The following COL24A1 variants were observed in gnomAD, a reference collection of about 807,000 sequenced individuals.
COL24A1 encodes the protein collagen type XXIV alpha 1 chain.
A neutral mutation model predicts 253.9 loss-of-function variants in COL24A1; 224 were observed. That is an observed-to-expected ratio of 0.88 (90% CI 0.79 to 0.99). The LOEUF is 0.99. Among genes scored for constraint, COL24A1 ranks in the 50% least tolerant of loss-of-function variants. The pLI is 0.00. For synonymous variants in COL24A1, 685 were observed against 673.7 expected, an observed-to-expected ratio of 1.02 and a Z score of -0.26; for missense variants, 2,131 against 2,068.5, an observed-to-expected ratio of 1.03 and a Z score of -0.59.
intron 2 of COL24A1, among the ~76,000 whole-genome samples, chr1:86,144,997 C>T (rs1418595980): frequency 6.6e-6 from 1 of 152,046 alleles, no homozygotes; most frequent in Non-Finnish European, 1.5e-5. Flanking sequence ...AATAGTTTTT[C>T]ATGAAGTTAC....
chr1:85,838,543 C>T (rs771862779), intron 43 of COL24A1, 42 bp downstream of exon 43: 5 of 1,538,896 alleles, frequency 3.2e-6, no homozygotes, highest in Admixed American at 1.7e-5. Context: ...ACACAGAGAA[C>T]CCTATTTAAA....
chr1:85,758,698 C>A (rs1271509978), intron 55 of COL24A1, among the ~76,000 whole-genome samples: 1 of 151,954 alleles, frequency 6.6e-6, no homozygotes, highest in Non-Finnish European at 1.5e-5. Context: ...TTATCTTGAC[C>A]CACAGTAAGA....
intron 6 of COL24A1, among the ~76,000 whole-genome samples, chr1:86,089,904 A>T (rs2101963249): frequency 6.6e-6 from 1 of 152,296 alleles, no homozygotes; most frequent in Non-Finnish European, 1.5e-5. Context: ...TTGAGGTGTC[A>T]CCCCTACTCC....
Position 85,788,219 on chromosome 1 carries a change from TAGCTGGGACTACAG to T in COL24A1, c.3952-1772_3952-1759del, listed in dbSNP as rs574043758. 2.8e-3 allele frequency among the ~76,000 whole-genome samples: 432 copies of T among 152,184 alleles called. 2 individuals are homozygous for T. The highest frequency in any genetic ancestry group is 0.01 in the African/African-American group (419 of 41,542). The stretch of plus-strand genomic sequence containing the variant: ...CATTCTCCTGCCTCAGCCTCCTGAG[TAGCTGGGACTACAG>T]GCACCTGCCACTACATCCAGCTAAT... On this transcript the variant is annotated intron_variant, in intron 47 of 59. Coordinates refer to ENST00000370571, the MANE Select transcript of COL24A1 (RefSeq NM_152890.7).
Position 85,975,203 on chromosome 1 carries a change from A to C in COL24A1, c.2365-3810T>G, listed in dbSNP as rs148710536. On this transcript the variant is annotated intron_variant, in intron 20 of 59. Transcript: ENST00000370571. ...TACAGCTAATATGAAAAAAGTATGGAGTTTCCTCAAAAAAATAAAAATAGA... is the reference window on the plus strand; with the variant it reads ...TACAGCTAATATGAAAAAAGTATGGCGTTTCCTCAAAAAAATAAAAATAGA... Among the ~76,000 whole-genome samples the C allele has an allele frequency of 1.7e-3, 254 of 152,226 alleles. 4 individuals carry two copies. Among genetic ancestry groups the C allele is most frequent in the African/African-American group, 5.8e-3 (240 of 41,542 alleles).
intron 20 of COL24A1, among the ~76,000 whole-genome samples, chr1:85,973,094 A>C (rs1692332457): frequency 6.6e-6 from 1 of 152,242 alleles, no homozygotes; most frequent in African/African-American, 2.4e-5. Flanking sequence ...TTCAGAATTC[A>C]AAGTGAAAGA....
At chr1:85,919,381 A>G (rs1028797922) in intron 24 of COL24A1, among the ~76,000 whole-genome samples, 1 of 152,216 alleles carries the variant, frequency 6.6e-6, no homozygotes, top group Non-Finnish European at 1.5e-5. Flanking sequence ...TGGAGCCACA[A>G]GAAAGAGGGG....
intron 18 of COL24A1, among the ~76,000 whole-genome samples, chr1:86,017,550 T>C (rs1329965154): frequency 6.6e-6 from 1 of 152,150 alleles, no homozygotes; most frequent in African/African-American, 2.4e-5. Context: ...AGAAACTGCT[T>C]TTATAAATAA....
chr1:85,803,364 A>T (rs1352589245), intron 47 of COL24A1, among the ~76,000 whole-genome samples: 20 of 147,536 alleles, frequency 1.4e-4, no homozygotes, highest in Admixed American at 1.3e-3. Flanking sequence ...CGGGAGGTGG[A>T]GGTTGCAGTG....
intron 24 of COL24A1, among the ~76,000 whole-genome samples, chr1:85,911,887 G>A (rs12747420): frequency 0.2 from 30,134 of 152,014 alleles, 3,340 homozygotes; most frequent in Non-Finnish European, 0.24. Context: ...TGCCTACTCT[G>A]TGCCAGGCAC....
intron 53 of COL24A1, among the ~76,000 whole-genome samples, chr1:85,763,343 G>A (rs1370440942): frequency 6.6e-6 from 1 of 151,656 alleles, no homozygotes; most frequent in South Asian, 2.1e-4. Context: ...GCTTGAACCC[G>A]GGAAGCAGAG....
chr1:86,087,987 C>T (rs1194019166), intron 7 of COL24A1, among the ~76,000 whole-genome samples: 1 of 152,140 alleles, frequency 6.6e-6, no homozygotes, highest in Non-Finnish European at 1.5e-5. Context: ...CAATTCAGCA[C>T]TATAGCAGGG....
rs192219769 is a variant in COL24A1, at chr1:85,768,217, G to A, written c.4375-6651C>T. Among the ~76,000 whole-genome samples, 5 of 151,868 alleles carry A rather than the reference G, an allele frequency of 3.3e-5. No homozygotes were observed. The East Asian group carries it at 9.7e-4, about 30-fold the overall frequency. The stretch of plus-strand genomic sequence containing the variant: ...TTAGTGTAGGTGGCAGGTGGAAAAT[G>A]GTACATCAGGACACTGGAGAGGCAA... On this transcript the variant is annotated intron_variant, in intron 53 of 59. Transcript: ENST00000370571.
intron 5 of COL24A1, among the ~76,000 whole-genome samples, chr1:86,100,507 C>CAT (rs1704354001): frequency 6.6e-6 from 1 of 152,038 alleles, no homozygotes; most frequent in African/African-American, 2.4e-5. Context: ...CAGTTCCTGG[C>CAT]ATAGAGCTCC....
intron 19 of COL24A1, among the ~76,000 whole-genome samples, chr1:86,012,808 T>G (rs116144332): frequency 0.012 from 1,894 of 152,210 alleles, 45 homozygotes; most frequent in African/African-American, 0.042. Flanking sequence ...ACATGATATA[T>G]CTCCTGCCTA....
intron 20 of COL24A1, 52 bp downstream of exon 20, chr1:85,987,549 G>A: frequency 7.0e-7 from 1 of 1,437,010 alleles, no homozygotes; most frequent in Non-Finnish European, 9.7e-7. Context: ...TTGAGAATCA[G>A]GAGCTCTAGA....
chr1:85,904,809 G>A (rs1684651313), intron 28 of COL24A1, among the ~76,000 whole-genome samples: 1 of 152,050 alleles, frequency 6.6e-6, no homozygotes, highest in African/African-American at 2.4e-5. Context: ...AATACTGCAT[G>A]GTACTTCAAA....
intron 43 of COL24A1, among the ~76,000 whole-genome samples, chr1:85,824,685 G>A (rs1674030941): frequency 6.6e-6 from 1 of 152,110 alleles, no homozygotes; most frequent in East Asian, 1.9e-4. Flanking sequence ...CTTTTCAAGT[G>A]TGTAAATAGA....
At position 85,938,815 on chromosome 1, in the gene COL24A1, T is replaced by G. The variant is rs1204168640; in HGVS notation, c.2562+22434A>C. Among the ~76,000 whole-genome samples the G allele has an allele frequency of 2.5e-5, 3 of 118,100 alleles. 1 individual carries two copies. Among genetic ancestry groups the G allele is most frequent in the African/African-American group, 9.0e-5 (3 of 33,268 alleles). The allele number at this position is 118,100 out of a possible 152,430, so 77.5% of individuals were successfully genotyped here. A position where few individuals can be genotyped will look rare whatever the true frequency, so the allele number is the denominator to read the frequency against. On this transcript the variant is annotated intron_variant, in intron 24 of 59. Transcript: ENST00000370571. ...GGTTGGTCCATATACAGTGACTGCT[T>G]GGAGTAAACTATAAAAGCCCAGTTA...
Sources: allele counts gnomAD v4.1 joint callset (sites outside exome capture counted in the v4.1 genomes callset), GRCh38; gene constraint gnomAD v4.1.1; transcripts MANE v1.5; gene names NCBI Gene and HGNC (gene_info 2026-07-23, HGNC 2026-07-21).